DLG2: variants seen among roughly 807,000 people sequenced by gnomAD.
The protein encoded by DLG2 is disks large homolog 2.
In DLG2, 45 loss-of-function variants were observed where a neutral mutation model predicts 132.5. The ratio of observed to expected loss-of-function variants is 0.34; its 90% CI spans 0.27 to 0.44. The LOEUF (loss-of-function observed/expected upper bound fraction) is 0.44. Among genes scored for constraint, DLG2 ranks in the 20% least tolerant of loss-of-function variants. The pLI, the probability that DLG2 is intolerant of heterozygous loss-of-function variation, is 1.00. For synonymous variants in DLG2, 424 were observed against 419.6 expected (o/e 1.01, Z -0.13); for missense variants, 1,045 against 1,196.9 (o/e 0.87, Z 1.87).
At chr11:85,067,593 T>G (rs532742908) in intron 6 of DLG2, among the ~76,000 whole-genome samples, 1 of 151,884 alleles carries the variant, frequency 6.6e-6, no homozygotes, top group East Asian at 1.9e-4. Context: ...CAGGAAGAAG[T>G]TGAATCCCTG....
chr11:84,053,003 T>C (rs1365434157), intron 11 of DLG2, among the ~76,000 whole-genome samples: 1 of 152,004 alleles, frequency 6.6e-6, no homozygotes, highest in Non-Finnish European at 1.5e-5. Flanking sequence ...AGCAAAGACA[T>C]GGAATGAACC....
chr11:83,934,605 T>C (rs1375912869), intron 14 of DLG2, among the ~76,000 whole-genome samples: 1 of 152,164 alleles, frequency 6.6e-6, no homozygotes, highest in Non-Finnish European at 1.5e-5. Flanking sequence ...CAAAGGAATA[T>C]GACTCTCTTC....
At chr11:83,780,314 G>T (rs2153864559) in intron 18 of DLG2, among the ~76,000 whole-genome samples, 1 of 152,266 alleles carries the variant, frequency 6.6e-6, no homozygotes, top group African/African-American at 2.4e-5. Context: ...ATAGAGAAAT[G>T]CACCGTGGTG....
chr11:83,847,685 T>A (rs1307030101), intron 16 of DLG2, among the ~76,000 whole-genome samples: 2 of 152,268 alleles, frequency 1.3e-5, no homozygotes, highest in Admixed American at 1.3e-4. Flanking sequence ...ATCGCCACGA[T>A]CCCTTCCAGT....
intron 6 of DLG2, among the ~76,000 whole-genome samples, chr11:84,873,323 T>A (rs2085786075): frequency 6.6e-6 from 1 of 152,158 alleles, no homozygotes; most frequent in African/African-American, 2.4e-5. Flanking sequence ...CTCTAGAAGC[T>A]GGAAAAGACA....
chr11:84,350,383 A>C (rs2098558343), intron 7 of DLG2, among the ~76,000 whole-genome samples: 1 of 152,174 alleles, frequency 6.6e-6, no homozygotes, highest in Non-Finnish European at 1.5e-5. Flanking sequence ...AGTAAGTATC[A>C]CAAAATGTAT....
intron 15 of DLG2, among the ~76,000 whole-genome samples, chr11:83,924,181 T>G (rs1394478381): frequency 6.6e-6 from 1 of 152,166 alleles, no homozygotes; most frequent in African/African-American, 2.4e-5. Flanking sequence ...CTCCTATGTT[T>G]ACCTTTAGAG....
chr11:84,521,287 T>G (rs1565179788), intron 7 of DLG2, among the ~76,000 whole-genome samples: 1 of 152,078 alleles, frequency 6.6e-6, no homozygotes, highest in East Asian at 1.9e-4. Context: ...CCCTAGAAAT[T>G]GAAATAAGTG....
At chr11:84,458,322 C>T (rs983220878) in intron 7 of DLG2, among the ~76,000 whole-genome samples, 1 of 150,750 alleles carries the variant, frequency 6.6e-6, no homozygotes, top group Non-Finnish European at 1.5e-5. Context: ...ATTTTTGAGA[C>T]TTCTGCTAAG....
At chr11:84,998,388 G>T (rs2057882210) in intron 6 of DLG2, among the ~76,000 whole-genome samples, 1 of 152,100 alleles carries the variant, frequency 6.6e-6, no homozygotes, top group Non-Finnish European at 1.5e-5. Context: ...GCTCTGTGAA[G>T]AAGTACCTTC....
At chr11:84,582,228 TAGAA>T (rs2099518238) in intron 6 of DLG2, among the ~76,000 whole-genome samples, 1 of 151,456 alleles carries the variant, frequency 6.6e-6, no homozygotes, top group Non-Finnish European at 1.5e-5. Context: ...AATTATACTT[TAGAA>T]AGATTCATTA....
intron 7 of DLG2, among the ~76,000 whole-genome samples, chr11:84,254,577 C>T (rs1187939668): frequency 2.0e-5 from 3 of 152,076 alleles, no homozygotes; most frequent in Non-Finnish European, 4.4e-5. Context: ...AGAACTGGAA[C>T]CCCAAAATCT....
At chr11:83,538,183 T>A (rs921094725) in intron 20 of DLG2, among the ~76,000 whole-genome samples, 1 of 152,208 alleles carries the variant, frequency 6.6e-6, no homozygotes, top group Non-Finnish European at 1.5e-5. Flanking sequence ...CTGCCCATAA[T>A]GTCACTTCTC....
At chr11:85,075,401 T>C (rs10898359) in intron 6 of DLG2, among the ~76,000 whole-genome samples, 37,010 of 151,748 alleles carry the variant, frequency 0.24, 4,787 homozygotes, top group Middle Eastern at 0.3. Flanking sequence ...TTAGAAGCAA[T>C]CTAAATATTT....
chr11:84,021,499 C>T (rs1469513699), intron 11 of DLG2, among the ~76,000 whole-genome samples: 1 of 152,108 alleles, frequency 6.6e-6, no homozygotes, highest in Non-Finnish European at 1.5e-5. Context: ...AGAACTTCTT[C>T]CAGTCTGGTC....
At chr11:84,440,122 C>T (rs560813232) in intron 7 of DLG2, among the ~76,000 whole-genome samples, 1 of 152,278 alleles carries the variant, frequency 6.6e-6, no homozygotes, top group African/African-American at 2.4e-5. Context: ...TTTTTACACA[C>T]CTGACCAAGA....
intron 7 of DLG2, among the ~76,000 whole-genome samples, chr11:84,278,678 T>A: frequency 6.6e-6 from 1 of 152,094 alleles, no homozygotes; most frequent in East Asian, 1.9e-4. Flanking sequence ...GGTTTAACAT[T>A]TACAAATGAA....
chr11:84,371,808 A>G (rs1600848297), intron 7 of DLG2, among the ~76,000 whole-genome samples: 1 of 152,318 alleles, frequency 6.6e-6, no homozygotes, highest in Middle Eastern at 3.4e-3. Context: ...TTTCTATGAG[A>G]AAATAATATC....
intron 2 of DLG2, among the ~76,000 whole-genome samples, chr11:85,607,781 T>C (rs2080686799): frequency 6.6e-6 from 1 of 152,202 alleles, no homozygotes; most frequent in African/African-American, 2.4e-5. Flanking sequence ...TCCTTCCTAT[T>C]CATATAAGTG....
Sources: allele counts gnomAD v4.1 joint callset (sites outside exome capture counted in the v4.1 genomes callset), GRCh38; gene constraint gnomAD v4.1.1; transcripts MANE v1.5; gene names NCBI Gene and HGNC (gene_info 2026-07-23, HGNC 2026-07-21).